The following PAX2 variants were observed in gnomAD, a reference collection of about 807,000 sequenced individuals.
PAX2 encodes the protein paired box 2.
PAX2 carries 9 observed loss-of-function variants against 41.7 expected under a neutral mutation model. That is an observed-to-expected ratio of 0.22 (90% CI 0.13 to 0.38). The LOEUF is 0.38. Ranked by LOEUF, PAX2 falls within the 10% of genes least tolerant of loss-of-function variation. The probability of loss-of-function intolerance (pLI) is 1.00; values close to 1 mark genes in which losing one functional copy is unlikely to be tolerated. For synonymous variants in PAX2, 221 were observed against 212.7 expected (o/e 1.04, Z -0.34); for missense variants, 418 against 531.6 (o/e 0.79, Z 2.10).
intron 3 of PAX2, among the ~76,000 whole-genome samples, chr10:100,769,854 G>A (rs919046107): frequency 1.3e-5 from 2 of 152,130 alleles, no homozygotes; most frequent in African/African-American, 4.8e-5. Context: ...TGGAGGGGTG[G>A]ACTCTATGTG....
chr10:100,760,013 C>A (rs1845779812), intron 3 of PAX2, among the ~76,000 whole-genome samples: 1 of 152,168 alleles, frequency 6.6e-6, no homozygotes, highest in Admixed American at 6.5e-5. Flanking sequence ...ACTCATTCAG[C>A]CTCTTAGTCC....
chr10:100,778,492 G>C (rs1846481722), intron 3 of PAX2, among the ~76,000 whole-genome samples: 2 of 152,178 alleles, frequency 1.3e-5, no homozygotes, highest in South Asian at 4.1e-4. Flanking sequence ...AGCTTTTAGA[G>C]CTGACTTGCT....
intron 1 of PAX2, among the ~76,000 whole-genome samples, chr10:100,738,802 G>A (rs570104054): frequency 1.3e-5 from 2 of 152,270 alleles, no homozygotes; most frequent in South Asian, 2.1e-4. Context: ...TGAGATGCAA[G>A]TCTCAAACCA....
At chr10:100,825,966 TG>T (rs969775661) in intron 8 of PAX2, among the ~76,000 whole-genome samples, 3 of 17,104 alleles carry the variant, frequency 1.8e-4, no homozygotes, top group African/African-American at 7.0e-4. Context: ...AGTGGGGAGG[TG>T]GGGGCAGGGA....
intron 3 of PAX2, among the ~76,000 whole-genome samples, chr10:100,755,901 G>A (rs1426366894): frequency 6.6e-6 from 1 of 152,222 alleles, no homozygotes; most frequent in Non-Finnish European, 1.5e-5. Flanking sequence ...TAGGGAAGGG[G>A]TGGAGATGTG....
Position 100,745,649 on chromosome 10 carries a change from C to A in PAX2, c.-612C>A. The stretch of plus-strand genomic sequence containing the variant: ...CCAGCCCAGAGCTGCCAGCGCCGCT[C>A]GGCTCCCTCCCTCCCTCCCGGCCCT... On this transcript the variant is annotated 5_prime_UTR_variant, in exon 1 of 10. Coordinates refer to ENST00000355243, the MANE Select transcript of PAX2 (RefSeq NM_000278.5). 1 of 662,310 alleles carries A rather than the reference C, an allele frequency of 1.5e-6. No individual in the cohort carries two copies. The highest frequency in any genetic ancestry group is 1.9e-6 in the Non-Finnish European group (1 of 524,722). The allele number at this position is 662,310 out of a possible 1,614,324, so 41.0% of individuals were successfully genotyped here.
intron 3 of PAX2, among the ~76,000 whole-genome samples, chr10:100,774,591 T>C (rs962724404): frequency 1.3e-5 from 2 of 152,100 alleles, no homozygotes; most frequent in Non-Finnish European, 1.5e-5. Flanking sequence ...TCGGCCTAAA[T>C]TGAAAGCACC....
chr10:100,745,076 G>T (rs952651812), upstream of PAX2, among the ~76,000 whole-genome samples: 5 of 152,092 alleles, frequency 3.3e-5, no homozygotes, highest in African/African-American at 1.2e-4. Flanking sequence ...CTAGGGATGC[G>T]CACTGGGCCC....
At chr10:100,771,828 GAC>G (rs1402404544) in intron 3 of PAX2, among the ~76,000 whole-genome samples, 1 of 150,592 alleles carries the variant, frequency 6.6e-6, no homozygotes, top group East Asian at 1.9e-4. Flanking sequence ...TTTTTTCTAA[GAC>G]ACAGTCTCGC....
intron 3 of PAX2, among the ~76,000 whole-genome samples, chr10:100,752,721 A>G (rs890781433): frequency 1.3e-5 from 2 of 152,136 alleles, no homozygotes; most frequent in Non-Finnish European, 2.9e-5. Context: ...GGGGTAGAGG[A>G]GTGGCGCAAC....
At chr10:100,769,633 AT>A (rs1846142070) in intron 3 of PAX2, among the ~76,000 whole-genome samples, 1 of 145,568 alleles carries the variant, frequency 6.9e-6, no homozygotes, top group African/African-American at 2.6e-5. Context: ...AAAGAATAAA[AT>A]AAAATAAAAT....
intron 5 of PAX2, among the ~76,000 whole-genome samples, chr10:100,804,327 G>T (rs909205159): frequency 6.7e-6 from 1 of 148,850 alleles, no homozygotes; most frequent in African/African-American, 2.5e-5. Context: ...ACACAGACAG[G>T]CATATACACA....
At chr10:100,780,637 G>A (rs1202151439) in intron 4 of PAX2, among the ~76,000 whole-genome samples, 5 of 152,212 alleles carry the variant, frequency 3.3e-5, no homozygotes, top group Admixed American at 6.5e-5. Context: ...TTTCTCAAGT[G>A]ATTTCAAGAC....
intron 5 of PAX2, among the ~76,000 whole-genome samples, chr10:100,792,942 G>A (rs990021581): frequency 6.6e-6 from 1 of 152,132 alleles, no homozygotes; most frequent in Non-Finnish European, 1.5e-5. Context: ...CTTTACTGTC[G>A]CTCTGATGCA....
At chr10:100,774,963 G>A (rs973199940) in intron 3 of PAX2, among the ~76,000 whole-genome samples, 1 of 152,252 alleles carries the variant, frequency 6.6e-6, no homozygotes, top group African/African-American at 2.4e-5. Context: ...CCCCAGGAAA[G>A]GGCGAGCTCT....
rs2133835743 is a variant in PAX2, at chr10:100,750,534, C to T, written c.213-160C>T. 6.6e-6 allele frequency among the ~76,000 whole-genome samples: 1 copy of T among 152,340 alleles called. No individual in the cohort carries two copies. The highest frequency in any genetic ancestry group is 1.5e-5 in the Non-Finnish European group (1 of 68,026). ...TCCTACTCCGCGGCGCTCCTCCTAGCCAGGCACCCTCAGGAAGTCAGCTCA... is the reference window on the plus strand; with the variant it reads ...TCCTACTCCGCGGCGCTCCTCCTAGTCAGGCACCCTCAGGAAGTCAGCTCA... On this transcript the variant is annotated intron_variant, in intron 2 of 9. Coordinates refer to ENST00000355243, the MANE Select transcript of PAX2 (RefSeq NM_000278.5). This position sits in a 1 kb window ranked among gnomAD's most constrained non-coding sequence, Gnocchi z 4.1.
At chr10:100,790,775 T>C (rs984883662) in intron 5 of PAX2, among the ~76,000 whole-genome samples, 8 of 152,130 alleles carry the variant, frequency 5.3e-5, no homozygotes, top group Non-Finnish European at 1.2e-4. Context: ...AAAGGACCCC[T>C]CCTGCCCTGC....
At chr10:100,753,283 C>T (rs912315618) in intron 3 of PAX2, among the ~76,000 whole-genome samples, 4 of 152,184 alleles carry the variant, frequency 2.6e-5, no homozygotes, top group African/African-American at 9.7e-5. Context: ...ATTCTGGGGG[C>T]TTCCCTGTGT....
chr10:100,813,450 G>A (rs889221977), intron 7 of PAX2, among the ~76,000 whole-genome samples: 1 of 152,214 alleles, frequency 6.6e-6, no homozygotes, highest in African/African-American at 2.4e-5. Context: ...TGGAGAGGCC[G>A]CTGGCATCAC....
Sources: gnomAD v4.1 joint callset for allele counts (sites outside exome capture counted in the v4.1 genomes callset) on GRCh38, gnomAD v4.1.1 for gene constraint, Gnocchi (gnomAD v3.1) non-coding constraint, MANE v1.5 for transcripts, NCBI Gene and HGNC (gene_info 2026-07-23, HGNC 2026-07-21) for gene names.